RHAG: variants seen among roughly 807,000 people sequenced by gnomAD.
RHAG encodes ammonium transporter Rh type A.
In RHAG, 25 loss-of-function variants were observed where a neutral mutation model predicts 42.4. The ratio of observed to expected loss-of-function variants is 0.59; its 90% CI spans 0.43 to 0.82. The LOEUF (loss-of-function observed/expected upper bound fraction) is 0.82, where lower values mean the gene tolerates loss of function less well. RHAG is among the 40% of genes least tolerant of loss of function. RHAG has a pLI of 0.00. For synonymous variants in RHAG, 182 were observed against 177.7 expected (o/e 1.02, Z -0.19); for missense variants, 483 against 504.6 (o/e 0.96, Z 0.41).
chr6:49,623,944 G>A (rs1363794224), intron 1 of RHAG, among the ~76,000 whole-genome samples: 1 of 152,130 alleles, frequency 6.6e-6, no homozygotes, highest in Non-Finnish European at 1.5e-5. Flanking sequence ...CAAGATAGCA[G>A]CGGGGAGGGA....
rs16879500 is a variant in RHAG at position 49,612,834 on chromosome 6, T to C, written c.808-300A>G. Among the ~76,000 whole-genome samples the C allele has an allele frequency of 0.042, 6,376 of 152,224 alleles. 175 individuals carry two copies. Among genetic ancestry groups the C allele is most frequent in the South Asian group, 0.11 (509 of 4,810 alleles). On this transcript the variant is annotated intron_variant, in intron 5 of 9. Transcript: ENST00000371175. Reference sequence around the variant, plus strand: ...TGTTGTAGTGGGAGGGTAGGAGTGTTTAGAGCAAATATTCTCGCAATGTTT... The same window carrying C: ...TGTTGTAGTGGGAGGGTAGGAGTGTCTAGAGCAAATATTCTCGCAATGTTT...
intron 1 of RHAG, among the ~76,000 whole-genome samples, chr6:49,625,645 G>A (rs9473628): frequency 0.22 from 33,021 of 151,938 alleles, 3,820 homozygotes; most frequent in African/African-American, 0.29. Context: ...CATCCTCAAC[G>A]TCATCTCATT....
intron 1 of RHAG, among the ~76,000 whole-genome samples, chr6:49,622,993 G>T (rs1056192041): frequency 4.0e-5 from 6 of 150,994 alleles, no homozygotes; most frequent in Non-Finnish European, 7.4e-5. Flanking sequence ...CCGCCACTAC[G>T]CCTGGCTAAT....
Position 49,612,433 on chromosome 6 carries a change from T to C in RHAG, c.909A>G (p.Ala303=). 2 of 1,614,146 alleles carry C rather than the reference T, an allele frequency of 1.2e-6. No individual in the cohort carries two copies. The highest frequency in any genetic ancestry group is 1.7e-6 in the Non-Finnish European group (2 of 1,179,956). The change falls in exon 6 of 10, where the codon GCA becomes GCG. Residue 303 remains alanine, a synonymous_variant. Transcript: ENST00000371175. ...TGTATCCAAGCACAGAGACCATTCCTGCAATGCTCCCAATAATCATAGAAC... is the reference window on the plus strand; with the variant it reads ...TGTATCCAAGCACAGAGACCATTCCCGCAATGCTCCCAATAATCATAGAAC... ...PFGSMIIGSI[A]GMVSVLGYKF... is the part of the protein sequence containing the mutation.
intron 1 of RHAG, among the ~76,000 whole-genome samples, chr6:49,621,013 A>G (rs1266479490): frequency 2.0e-5 from 3 of 152,174 alleles, no homozygotes; most frequent in Non-Finnish European, 2.9e-5. Flanking sequence ...TTCTCCATTC[A>G]TTGAGCACTG....
At chr6:49,632,645 A>G (rs1377599190) in intron 1 of RHAG, among the ~76,000 whole-genome samples, 2 of 152,202 alleles carry the variant, frequency 1.3e-5, no homozygotes, top group Non-Finnish European at 2.9e-5. Flanking sequence ...GTGACACATG[A>G]GTAAATGAGC....
Position 49,611,030 on chromosome 6 carries a change from G to C in RHAG, c.1061C>G (p.Ser354Cys). ...AGIVAVAMGA[S>C]NTSMAMQAAA... ...AACCCATTCTTTTACTCACGTGTTG[G>C]AGGCGCCCATTGCTACTGCCACAAT... The change falls in exon 7 of 10, where the codon TCC becomes TGC. Residue 354 changes from serine (S) to cysteine (C), a missense_variant. Physicochemically the swap from Ser to Cys is moderately radical, Grantham distance 112 (BLOSUM62 -1). Transcript: ENST00000371175. 1 of 1,613,814 alleles carries C rather than the reference G, an allele frequency of 6.2e-7. No homozygotes were observed. Among genetic ancestry groups the C allele is most frequent in the Non-Finnish European group, 8.5e-7 (1 of 1,179,816 alleles).
At chr6:49,617,936 T>C (rs750427554) in intron 3 of RHAG, 132 bp downstream of exon 3, 13 of 764,698 alleles carry the variant, frequency 1.7e-5, no homozygotes, top group Non-Finnish European at 2.7e-5. Flanking sequence ...CAGTAAATGA[T>C]GGTTATTGTT....
chr6:49,631,465 C>T (rs990074379), intron 1 of RHAG, among the ~76,000 whole-genome samples: 1 of 152,064 alleles, frequency 6.6e-6, no homozygotes, highest in Non-Finnish European at 1.5e-5. Context: ...CTTATTGAAT[C>T]CCTTTTTCCT....
intron 3 of RHAG, among the ~76,000 whole-genome samples, chr6:49,617,156 C>A (rs1762670168): frequency 6.6e-6 from 1 of 152,126 alleles, no homozygotes; most frequent in Non-Finnish European, 1.5e-5. Flanking sequence ...AGTTCCTCAT[C>A]ACCAATTCAA....
In RHAG at chr6:49,614,756, A is replaced by G. The variant is rs1189581795; in HGVS notation, c.738T>C (p.Ser246=). The change falls in exon 5 of 10, where the codon TCT becomes TCC. Residue 246 remains serine (S), a synonymous_variant. Coordinates refer to ENST00000371175, the MANE Select transcript of RHAG (RefSeq NM_000324.3). ...QCRAIVNTYF[S]LAACVLTAFA... ...AGGCTGTGAGCACACAGGCAGCGAGAGAGAAGTACGTGTTTACAATGGCCC... is the reference window on the plus strand; with the variant it reads ...AGGCTGTGAGCACACAGGCAGCGAGGGAGAAGTACGTGTTTACAATGGCCC... The G allele has an allele frequency of 2.5e-6, 4 of 1,613,954 alleles. No individual in the cohort carries two copies. The highest frequency in any genetic ancestry group is 2.7e-5 in the African/African-American group (2 of 74,892).
intron 1 of RHAG, 105 bp from the exon 2 acceptor site, chr6:49,619,467 A>T: frequency 9.4e-7 from 1 of 1,060,464 alleles, no homozygotes; most frequent in South Asian, 1.4e-5. Flanking sequence ...TGTATAACAC[A>T]CTAGGAAAAG....
intron 1 of RHAG, among the ~76,000 whole-genome samples, chr6:49,622,760 T>C (rs1437308705): frequency 1.3e-5 from 2 of 152,094 alleles, no homozygotes; most frequent in Non-Finnish European, 2.9e-5. Context: ...TTATCTAATT[T>C]CATAATTTCT....
intron 7 of RHAG, among the ~76,000 whole-genome samples, chr6:49,610,711 G>A (rs938016823): frequency 3.9e-5 from 6 of 152,280 alleles, no homozygotes; most frequent in African/African-American, 1.4e-4. Flanking sequence ...ATTTTGGAGA[G>A]ATCAAGAAAA....
intron 4 of RHAG, 83 bp downstream of exon 4, chr6:49,615,541 A>T: frequency 6.8e-7 from 1 of 1,469,644 alleles, no homozygotes; most frequent in Non-Finnish European, 9.5e-7. Flanking sequence ...GTTCTTTTTG[A>T]GCATCTCACA....
At chr6:49,628,604 C>T (rs1298777213) in intron 1 of RHAG, among the ~76,000 whole-genome samples, 1 of 151,932 alleles carries the variant, frequency 6.6e-6, no homozygotes, top group Non-Finnish European at 1.5e-5. Context: ...AGTGAAGCTG[C>T]AGACCTTCGC....
chr6:49,605,648 C>G lies in RHAG; in HGVS notation c.*165G>C. On this transcript the variant is annotated 3_prime_UTR_variant, in exon 10 of 10. Transcript: ENST00000371175. ...ACATTTTTACACTGGCCATTTGGGA[C>G]TTAGGATCTATTCACTCTGGTCCAT... The G allele has an allele frequency of 1.4e-6, 1 of 736,552 alleles. No homozygotes were observed. The highest frequency in any genetic ancestry group is 2.5e-6 in the Non-Finnish European group (1 of 399,444). The allele number at this position is 736,552 out of a possible 1,614,324, so 45.6% of individuals were successfully genotyped here. A position where few individuals can be genotyped will look rare whatever the true frequency, so the allele number is the denominator to read the frequency against.
chr6:49,609,965 G>A (rs538636960), intron 7 of RHAG, among the ~76,000 whole-genome samples: 4 of 152,138 alleles, frequency 2.6e-5, no homozygotes, highest in Middle Eastern at 3.4e-3. Context: ...ACACTAACAC[G>A]GGAACAGAAA....
chr6:49,634,793 T>C (rs1316723406), intron 1 of RHAG, among the ~76,000 whole-genome samples: 2 of 152,068 alleles, frequency 1.3e-5, no homozygotes, highest in African/African-American at 2.4e-5. Context: ...CTAAACTATA[T>C]TTTTAAACAG....
Sources: gnomAD v4.1 joint callset for allele counts (sites outside exome capture counted in the v4.1 genomes callset) on GRCh38, gnomAD v4.1.1 for gene constraint, MANE v1.5 for transcripts, NCBI Gene and HGNC (gene_info 2026-07-23, HGNC 2026-07-21) for gene names.